The following LYPLAL1 variants were observed in gnomAD, a reference collection of about 807,000 sequenced individuals.
The protein encoded by LYPLAL1 is lysophospholipase like 1.
In LYPLAL1, 23 loss-of-function variants were observed where a neutral mutation model predicts 19.7. The observed-to-expected ratio is 1.17, with a 90% CI of 0.84 to 1.65. LYPLAL1 has a LOEUF of 1.65. Among genes scored for constraint, LYPLAL1 ranks in the 40% most tolerant of loss-of-function variants. The pLI, the probability that LYPLAL1 is intolerant of heterozygous loss-of-function variation, is 0.00. For missense variants in LYPLAL1, 355 were observed against 279.4 expected, an observed-to-expected ratio of 1.27 and a Z score of -1.93; for synonymous variants, 119 against 96.3, an observed-to-expected ratio of 1.24 and a Z score of -1.38.
At chr1:219,192,983 A>G in intron 2 of LYPLAL1, 99 bp from the exon 3 acceptor site, 2 of 1,212,606 alleles carry the variant, frequency 1.6e-6, no homozygotes, top group Middle Eastern at 5.6e-4. Context: ...AGAAATTGAA[A>G]TCATTTATTC....
chr1:219,260,194 G>T, the LYPLAL1 span, among the ~76,000 whole-genome samples: 1 of 151,918 alleles, frequency 6.6e-6, no homozygotes, highest in Non-Finnish European at 1.5e-5. Context: ...TACACTGAAT[G>T]TGAGTGGTTT....
the LYPLAL1 span, among the ~76,000 whole-genome samples, chr1:219,395,878 C>T: frequency 5.1e-4 from 78 of 152,086 alleles, no homozygotes; most frequent in African/African-American, 1.8e-3. Flanking sequence ...CCGAGGCAGG[C>T]GGATCACGAG....
chr1:219,337,530 A>G, the LYPLAL1 span, among the ~76,000 whole-genome samples: 14 of 152,024 alleles, frequency 9.2e-5, no homozygotes, highest in Non-Finnish European at 1.0e-4. Context: ...AGTAGACTCC[A>G]CCTTGACTGG....
the LYPLAL1 span, among the ~76,000 whole-genome samples, chr1:219,338,569 T>G: frequency 3.5e-4 from 53 of 151,976 alleles, no homozygotes; most frequent in South Asian, 6.2e-4. Context: ...CCTCAATATC[T>G]TTTGTGATAA....
At chr1:219,249,198 A>G in the LYPLAL1 span, among the ~76,000 whole-genome samples, 5 of 151,960 alleles carry the variant, frequency 3.3e-5, 1 homozygote, top group African/African-American at 1.2e-4. Flanking sequence ...CTCCACTATC[A>G]CAAGTCTCCC....
At chr1:219,341,526 G>T in the LYPLAL1 span, among the ~76,000 whole-genome samples, 1 of 151,950 alleles carries the variant, frequency 6.6e-6, no homozygotes, top group African/African-American at 2.4e-5. Context: ...TTGATAAATT[G>T]TAAGATTCAA....
the LYPLAL1 span, among the ~76,000 whole-genome samples, chr1:219,245,161 C>T: frequency 4.0e-5 from 6 of 150,326 alleles, no homozygotes; most frequent in African/African-American, 4.9e-5. Context: ...TCCTTCCCTC[C>T]CTCCCTCTTC....
chr1:219,376,170 A>T, the LYPLAL1 span, among the ~76,000 whole-genome samples: 1 of 152,200 alleles, frequency 6.6e-6, no homozygotes, highest in African/African-American at 2.4e-5. Context: ...AATAAAGCAG[A>T]GAGTCCAGAA....
At chr1:219,257,990 G>T in the LYPLAL1 span, among the ~76,000 whole-genome samples, 15 of 152,042 alleles carry the variant, frequency 9.9e-5, no homozygotes. Context: ...ATTACTTGCT[G>T]GGAAAAGAAT....
At chr1:219,269,549 C>T in the LYPLAL1 span, among the ~76,000 whole-genome samples, 4 of 152,194 alleles carry the variant, frequency 2.6e-5, no homozygotes, top group South Asian at 8.3e-4. Context: ...AATGCAAGGA[C>T]ATTTCAATGG....
chr1:219,277,524 G>T, the LYPLAL1 span, among the ~76,000 whole-genome samples: 1 of 152,176 alleles, frequency 6.6e-6, no homozygotes, highest in African/African-American at 2.4e-5. Flanking sequence ...GAAGTGGAAA[G>T]TAGAGTGTAT....
the LYPLAL1 span, among the ~76,000 whole-genome samples, chr1:219,326,205 C>T: frequency 3.3e-5 from 5 of 151,716 alleles, no homozygotes; most frequent in East Asian, 3.9e-4. Context: ...TGAGCCACCA[C>T]GCCCAGCCTT....
At chr1:219,337,502 A>G in the LYPLAL1 span, among the ~76,000 whole-genome samples, 1 of 152,030 alleles carries the variant, frequency 6.6e-6, no homozygotes, top group Non-Finnish European at 1.5e-5. Context: ...GCAGGAGCAC[A>G]TGGGAGATTT....
chr1:219,427,830 G>A, the LYPLAL1 span, among the ~76,000 whole-genome samples: 1 of 152,204 alleles, frequency 6.6e-6, no homozygotes, highest in African/African-American at 2.4e-5. Flanking sequence ...CCATTTAAGA[G>A]ATCCCAGCAA....
chr1:219,218,166 A>C, the LYPLAL1 span, among the ~76,000 whole-genome samples: 1 of 152,100 alleles, frequency 6.6e-6, no homozygotes, highest in African/African-American at 2.4e-5. Flanking sequence ...AGTTCAATTG[A>C]AGTATAACAA....
the LYPLAL1 span, among the ~76,000 whole-genome samples, chr1:219,355,497 C>A: frequency 6.6e-6 from 1 of 152,038 alleles, no homozygotes. Flanking sequence ...CAAAGATTGT[C>A]ATTCTGTATC....
At chr1:219,203,062 G>A (rs912545647) in intron 3 of LYPLAL1, among the ~76,000 whole-genome samples, 10 of 142,816 alleles carry the variant, frequency 7.0e-5, no homozygotes, top group African/African-American at 1.0e-4. Flanking sequence ...AAATATGAAG[G>A]GGATAGGTTC....
chr1:219,337,484 T>G, the LYPLAL1 span, among the ~76,000 whole-genome samples: 1 of 152,046 alleles, frequency 6.6e-6, no homozygotes, highest in Non-Finnish European at 1.5e-5. Flanking sequence ...GTATTTCATT[T>G]GATTAAAGCA....
intron 2 of LYPLAL1, among the ~76,000 whole-genome samples, chr1:219,185,785 A>G (rs1437743879): frequency 6.6e-6 from 1 of 151,976 alleles, no homozygotes; most frequent in Non-Finnish European, 1.5e-5. Flanking sequence ...CGTAACACCT[A>G]TGTGAGACCT....
Sources: gnomAD v4.1 joint callset for allele counts (sites outside exome capture counted in the v4.1 genomes callset) on GRCh38, gnomAD v4.1.1 for gene constraint, MANE v1.5 for transcripts, NCBI Gene and HGNC (gene_info 2026-07-23, HGNC 2026-07-21) for gene names.